Variants in RFX3 observed in about 807,000 individuals in gnomAD.
RFX3 encodes the protein transcription factor RFX3.
Under a neutral mutation model 98.6 loss-of-function variants are expected in RFX3, and 14 were observed. The ratio of observed to expected loss-of-function variants is 0.14; its 90% CI spans 0.09 to 0.22. The LOEUF is 0.22. Ranked by LOEUF, RFX3 falls within the 10% of genes least tolerant of loss-of-function variation. RFX3 has a pLI of 1.00. For missense variants in RFX3, 639 were observed against 926.9 expected, an observed-to-expected ratio of 0.69 and a Z score of 4.03; for synonymous variants, 383 against 328.4, an observed-to-expected ratio of 1.17 and a Z score of -1.80.
intron 15 of RFX3, among the ~76,000 whole-genome samples, chr9:3,233,265 C>G (rs963051153): frequency 3.3e-5 from 5 of 152,144 alleles, no homozygotes; most frequent in Non-Finnish European, 7.3e-5. Flanking sequence ...CGGCAGGATC[C>G]CTGAGAGACC....
chr9:3,330,901 T>C (rs923673911), intron 3 of RFX3, among the ~76,000 whole-genome samples: 1 of 152,320 alleles, frequency 6.6e-6, no homozygotes. Flanking sequence ...GTAGTGTGAG[T>C]AGTTGACTTA....
intron 15 of RFX3, 36 bp from the exon 16 acceptor site, chr9:3,228,925 T>G (rs543780021): frequency 6.4e-7 from 1 of 1,569,390 alleles, no homozygotes; most frequent in African/African-American, 1.4e-5. Context: ...ATAGTTAATA[T>G]AGGGCAGAAT....
chr9:3,318,435 C>T (rs1447420106), intron 4 of RFX3, among the ~76,000 whole-genome samples: 9 of 151,384 alleles, frequency 5.9e-5, no homozygotes, highest in East Asian at 1.9e-4. Context: ...GACGAGTTAA[C>T]GGGTGCAGCA....
rs1326404040 is a variant in RFX3 at position 3,221,890 on chromosome 9, T to G, written c.*3152A>C. ...CACTGAAAGTGTAGGACTTGGTTTATGTAGGTATATTTCATGACTAGTGAT... is the reference window on the plus strand; with the variant it reads ...CACTGAAAGTGTAGGACTTGGTTTAGGTAGGTATATTTCATGACTAGTGAT... On this transcript the variant is annotated 3_prime_UTR_variant, in exon 17 of 17. Coordinates refer to ENST00000617270, the MANE Select transcript of RFX3 (RefSeq NM_001282116.2). 6.6e-6 allele frequency: 1 copy of G among 152,166 alleles called. No individual in the cohort carries two copies. Among genetic ancestry groups the G allele is most frequent in the Admixed American group, 6.5e-5 (1 of 15,274 alleles). 9.4% of individuals were successfully genotyped at this position (152,166 alleles called of 1,614,324 possible). A position where few individuals can be genotyped will look rare whatever the true frequency, so the allele number is the denominator to read the frequency against.
chr9:3,403,076 C>T (rs374288806), intron 1 of RFX3, among the ~76,000 whole-genome samples: 12 of 152,078 alleles, frequency 7.9e-5, no homozygotes, highest in South Asian at 2.1e-4. Context: ...TTTAAATAGT[C>T]AGGTACTAAA....
chr9:3,252,799 TA>T (rs964190415), intron 14 of RFX3, among the ~76,000 whole-genome samples: 137 of 151,948 alleles, frequency 9.0e-4, no homozygotes, highest in African/African-American at 2.9e-3. Context: ...GTTGGAAGTT[TA>T]AAAAAAAATT....
rs769755686 is a variant in RFX3 at position 3,275,480 on chromosome 9, C to T, written c.1086+20G>A. The T allele has an allele frequency of 7.2e-7, 1 of 1,386,590 alleles. No homozygotes were observed. The allele number at this position is 1,386,590 out of a possible 1,614,324, so 85.9% of individuals were successfully genotyped here. A position where few individuals can be genotyped will look rare whatever the true frequency, so the allele number is the denominator to read the frequency against. On this transcript the variant is annotated intron_variant, in intron 9 of 16. Transcript: ENST00000617270. ...TGGCAAAACCTAGCATGTGTTCATA[C>T]TACATTTGAAAAGACTTACCTCACA...
In RFX3 at chr9:3,346,652, C is replaced by A. The variant is rs992645801; in HGVS notation, c.215+15G>T. 5.3e-6 allele frequency: 8 copies of A among 1,523,626 alleles called. No individual in the cohort carries two copies. The highest frequency in any genetic ancestry group is 1.4e-5 in the African/African-American group (1 of 73,184). The allele number at this position is 1,523,626 out of a possible 1,614,324, so 94.4% of individuals were successfully genotyped here. A position where few individuals can be genotyped will look rare whatever the true frequency, so the allele number is the denominator to read the frequency against. Reference sequence around the variant, plus strand: ...TGAGTGGGGGAATTAAAAAGACTTCCACATATAAACTTACATTGCTCCATT... The same window carrying A: ...TGAGTGGGGGAATTAAAAAGACTTCAACATATAAACTTACATTGCTCCATT... On this transcript the variant is annotated intron_variant, in intron 3 of 16. Coordinates refer to ENST00000617270, the MANE Select transcript of RFX3 (RefSeq NM_001282116.2).
chr9:3,505,137 ATATAT>A (rs1816805502), intron 1 of RFX3, among the ~76,000 whole-genome samples: 1 of 98,902 alleles, frequency 1.0e-5, no homozygotes, highest in African/African-American at 4.2e-5. Context: ...ATTTATATTT[ATATAT>A]TATATGAATA....
chr9:3,428,037 GGCTCTTTTTATGTAT>G (rs1844285960), intron 1 of RFX3, among the ~76,000 whole-genome samples: 1 of 151,982 alleles, frequency 6.6e-6, no homozygotes, highest in Non-Finnish European at 1.5e-5. Flanking sequence ...GCAAATGTGG[GGCTCTTTTTATGTAT>G]CTGCCTTCTC....
Position 3,423,778 on chromosome 9 carries a change from CATATATATATATATATATATATAT to C in RFX3, c.-8-28206_-8-28183del, listed in dbSNP as rs61209874. Among the ~76,000 whole-genome samples the C allele has an allele frequency of 9.9e-5, 11 of 111,046 alleles. No individual in the cohort carries two copies. The East Asian group carries it at 2.0e-3, about 20-fold the overall frequency. The allele number at this position is 111,046 out of a possible 152,430, so 72.9% of individuals were successfully genotyped here. A position where few individuals can be genotyped will look rare whatever the true frequency, so the allele number is the denominator to read the frequency against. On this transcript the variant is annotated intron_variant, in intron 1 of 16. Coordinates refer to ENST00000617270, the MANE Select transcript of RFX3 (RefSeq NM_001282116.2). ...TTTCATTTTATGTATTATATATTTT[CATATATATATATATATATATATAT>C]ATATATATATCTTAAGGTAATTTTT...
At chr9:3,268,100 C>T (rs1291047930) in intron 11 of RFX3, among the ~76,000 whole-genome samples, 1 of 151,778 alleles carries the variant, frequency 6.6e-6, no homozygotes, top group Non-Finnish European at 1.5e-5. Flanking sequence ...GGTTATACTT[C>T]CAATTGTACA....
chr9:3,320,093 T>G (rs1005779584), intron 4 of RFX3, among the ~76,000 whole-genome samples: 36 of 152,224 alleles, frequency 2.4e-4, no homozygotes, highest in African/African-American at 7.5e-4. Context: ...CATAAAGGAT[T>G]TGCTTTATCT....
chr9:3,410,485 G>C (rs1842376869), intron 1 of RFX3, among the ~76,000 whole-genome samples: 1 of 152,024 alleles, frequency 6.6e-6, no homozygotes, highest in Non-Finnish European at 1.5e-5. Flanking sequence ...TCCTGGAAGA[G>C]GGAAAAAGCA....
At chr9:3,514,140 A>G (rs1817910399) in intron 1 of RFX3, among the ~76,000 whole-genome samples, 1 of 152,218 alleles carries the variant, frequency 6.6e-6, no homozygotes. Flanking sequence ...ATTGCTCACA[A>G]AACTACACGA....
chr9:3,472,694 C>T (rs1184129723), intron 1 of RFX3, among the ~76,000 whole-genome samples: 1 of 152,138 alleles, frequency 6.6e-6, no homozygotes, highest in Non-Finnish European at 1.5e-5. Context: ...AGATATGTAG[C>T]AACCATTATT....
intron 11 of RFX3, 126 bp from the exon 12 acceptor site, chr9:3,266,431 G>C (rs763326326): frequency 9.0e-6 from 4 of 442,962 alleles, no homozygotes; most frequent in South Asian, 6.7e-5. Context: ...TGTCCTCATT[G>C]ATGAAACTTT....
intron 1 of RFX3, among the ~76,000 whole-genome samples, chr9:3,468,142 C>G (rs1848475808): frequency 6.6e-6 from 1 of 152,092 alleles, no homozygotes; most frequent in Non-Finnish European, 1.5e-5. Flanking sequence ...AATTTAGGGC[C>G]TTCAAAATCT....
intron 1 of RFX3, among the ~76,000 whole-genome samples, chr9:3,408,777 T>C (rs1842207881): frequency 6.6e-6 from 1 of 152,142 alleles, no homozygotes; most frequent in African/African-American, 2.4e-5. Flanking sequence ...GCTTATAGGG[T>C]GTGACCGAGG....
Sources: allele counts gnomAD v4.1 joint callset (sites outside exome capture counted in the v4.1 genomes callset), GRCh38; gene constraint gnomAD v4.1.1; transcripts MANE v1.5; gene names NCBI Gene and HGNC (gene_info 2026-07-23, HGNC 2026-07-21).